NEDD9: variants seen among roughly 807,000 people sequenced by gnomAD.
The protein encoded by NEDD9 is neural precursor cell expressed, developmentally down-regulated 9.
A neutral mutation model predicts 76.6 loss-of-function variants in NEDD9; 26 were observed. The ratio of observed to expected loss-of-function variants is 0.34; its 90% CI spans 0.25 to 0.47. The LOEUF is 0.47. Ranked by LOEUF, NEDD9 falls within the 20% of genes least tolerant of loss-of-function variation. NEDD9 has a pLI of 1.00. For synonymous variants in NEDD9, 392 were observed against 414.2 expected, an observed-to-expected ratio of 0.95 and a Z score of 0.65; for missense variants, 937 against 1,058.5, an observed-to-expected ratio of 0.89 and a Z score of 1.59.
At chr6:11,367,925 G>A (rs1246312613) in intron 1 of NEDD9, among the ~76,000 whole-genome samples, 1 of 152,172 alleles carries the variant, frequency 6.6e-6, no homozygotes, top group Admixed American at 6.5e-5. Context: ...CTGAACTCTC[G>A]GGATTGTATG....
Position 11,183,589 on chromosome 6 carries a change from G to C in NEDD9, c.*1573C>G, listed in dbSNP as rs1480641171. On this transcript the variant is annotated 3_prime_UTR_variant, in exon 7 of 7. Transcript: ENST00000379446. ...TCTTCTTTTGGCAGAGTAGGACTTT[G>C]AGAATTATAATAGCAGTTGTTTTGA... is the stretch of plus-strand genomic sequence containing the variant. The C allele has an allele frequency of 6.6e-6, 1 of 152,146 alleles. No individual in the cohort carries two copies. The highest frequency in any genetic ancestry group is 2.4e-5 in the African/African-American group (1 of 41,430). 9.4% of individuals were successfully genotyped at this position (152,146 alleles called of 1,614,324 possible). A position where few individuals can be genotyped will look rare whatever the true frequency, so the allele number is the denominator to read the frequency against.
At chr6:11,354,044 T>C (rs140122732) in intron 1 of NEDD9, among the ~76,000 whole-genome samples, 2 of 152,238 alleles carry the variant, frequency 1.3e-5, no homozygotes, top group East Asian at 3.9e-4. Context: ...AGCCACAAGG[T>C]ATAACTTTAC....
At chr6:11,265,845 T>C (rs1230305707) in intron 3 of NEDD9, among the ~76,000 whole-genome samples, 1 of 152,188 alleles carries the variant, frequency 6.6e-6, no homozygotes, top group Admixed American at 6.5e-5. Flanking sequence ...TGGAATACTC[T>C]TCAGCCATAA....
chr6:11,191,541 G>A (rs771975331), intron 4 of NEDD9, among the ~76,000 whole-genome samples: 48 of 152,080 alleles, frequency 3.2e-4, no homozygotes, highest in Non-Finnish European at 5.4e-4. Context: ...GTTCTCCCCC[G>A]GTCTTTTTGG....
intron 2 of NEDD9, chr6:11,200,042 A>G (rs1156633716): frequency 1.1e-5 from 2 of 185,908 alleles, no homozygotes; most frequent in African/African-American, 4.7e-5. Context: ...CTTTGGGAGA[A>G]GAGTTAATAG....
chr6:11,346,472 C>T (rs544568920), intron 1 of NEDD9, among the ~76,000 whole-genome samples: 14 of 111,006 alleles, frequency 1.3e-4, no homozygotes, highest in African/African-American at 3.2e-4. Context: ...TAAGAAGGCT[C>T]GGAGGCCCCC....
chr6:11,338,596 A>G (rs1224851731), intron 1 of NEDD9, among the ~76,000 whole-genome samples: 1 of 152,142 alleles, frequency 6.6e-6, no homozygotes, highest in Non-Finnish European at 1.5e-5. Flanking sequence ...CCCTTTGCAA[A>G]TGGGAAAGGA....
chr6:11,275,565 C>CACACACACACACACATATATATATAT (rs551632582), intron 3 of NEDD9, among the ~76,000 whole-genome samples: 1 of 150,184 alleles, frequency 6.7e-6, no homozygotes, highest in African/African-American at 2.5e-5. Context: ...CACACACACA[C>CACACACACACACACATATATATATAT]ATATATATAT....
intron 1 of NEDD9, among the ~76,000 whole-genome samples, chr6:11,342,674 A>G (rs928631564): frequency 2.0e-5 from 3 of 152,244 alleles, no homozygotes; most frequent in Non-Finnish European, 2.9e-5. Flanking sequence ...ATGCTAAAGG[A>G]TGTTCTTCAG....
chr6:11,346,931 C>T (rs1762375325), intron 1 of NEDD9, among the ~76,000 whole-genome samples: 1 of 152,150 alleles, frequency 6.6e-6, no homozygotes, highest in Non-Finnish European at 1.5e-5. Context: ...CCAGCTTCTC[C>T]TGTTACCTGC....
chr6:11,294,632 T>C (rs1163193751), intron 3 of NEDD9, among the ~76,000 whole-genome samples: 1 of 152,218 alleles, frequency 6.6e-6, no homozygotes, highest in Non-Finnish European at 1.5e-5. Flanking sequence ...CTTAGGTAGT[T>C]CTTTATAGCA....
At chr6:11,345,514 C>T (rs146924109) in intron 1 of NEDD9, among the ~76,000 whole-genome samples, 64 of 152,212 alleles carry the variant, frequency 4.2e-4, no homozygotes, top group African/African-American at 1.4e-3. Context: ...AGGAGACTCA[C>T]CTCCTGCCAA....
At chr6:11,378,148 C>A (rs1200600173) in intron 1 of NEDD9, among the ~76,000 whole-genome samples, 1 of 152,136 alleles carries the variant, frequency 6.6e-6, no homozygotes, top group Non-Finnish European at 1.5e-5. Flanking sequence ...GAGGCTGAGG[C>A]AGGAGAATCA....
At chr6:11,307,864 C>T (rs563660547) in intron 2 of NEDD9, among the ~76,000 whole-genome samples, 199 of 152,198 alleles carry the variant, frequency 1.3e-3, no homozygotes, top group African/African-American at 4.6e-3. Context: ...CCCCATGCAC[C>T]GGGGTCTCTG....
intron 2 of NEDD9, among the ~76,000 whole-genome samples, chr6:11,331,583 G>C (rs963346362): frequency 2.0e-5 from 3 of 152,046 alleles, no homozygotes; most frequent in African/African-American, 7.3e-5. Context: ...ACAAATTATT[G>C]ACTGGAGGAA....
intron 3 of NEDD9, chr6:11,249,026 C>G (rs1373699157): frequency 7.0e-6 from 3 of 427,282 alleles, no homozygotes; most frequent in Non-Finnish European, 4.7e-6. Context: ...CACCAGTTTT[C>G]ATCCCCATGA....
upstream of NEDD9, among the ~76,000 whole-genome samples, chr6:11,236,570 C>T (rs1294169254): frequency 6.6e-6 from 1 of 152,198 alleles, no homozygotes; most frequent in Non-Finnish European, 1.5e-5. The surrounding 1 kb of genome is among the most constrained non-coding windows in gnomAD (Gnocchi z 5.5). Context: ...TCCAGCCACT[C>T]ATAGAGAGGG....
intron 3 of NEDD9, among the ~76,000 whole-genome samples, chr6:11,276,410 C>T (rs538275695): frequency 2.0e-5 from 3 of 152,146 alleles, no homozygotes; most frequent in Admixed American, 6.5e-5. Context: ...TGTGTGTGCA[C>T]GTGTGTGTGC....
At chr6:11,369,051 T>C (rs1762815068) in intron 1 of NEDD9, among the ~76,000 whole-genome samples, 1 of 152,208 alleles carries the variant, frequency 6.6e-6, no homozygotes, top group East Asian at 1.9e-4. Context: ...TAAAGTAATT[T>C]GCTCAATAGC....
Sources: gnomAD v4.1 joint callset for allele counts (sites outside exome capture counted in the v4.1 genomes callset) on GRCh38, gnomAD v4.1.1 for gene constraint, Gnocchi (gnomAD v3.1) non-coding constraint, MANE v1.5 for transcripts, NCBI Gene and HGNC (gene_info 2026-07-23, HGNC 2026-07-21) for gene names.